Variants in ABI1 observed in about 807,000 individuals in gnomAD.
ABI1 encodes Abelson interactor 1.
Under a neutral mutation model 54.6 loss-of-function variants are expected in ABI1, and 14 were observed. The ratio of observed to expected loss-of-function variants is 0.26; its 90% CI spans 0.17 to 0.40. ABI1 has a LOEUF of 0.40. ABI1 is among the 10% of genes least tolerant of loss of function. The pLI is 1.00. For synonymous variants in ABI1, 194 were observed against 209.3 expected (o/e 0.93, Z 0.63); for missense variants, 443 against 598.3 (o/e 0.74, Z 2.71).
chr10:26,860,722 C>T lies in ABI1; in HGVS notation c.117+25G>A. The T allele has an allele frequency of 6.3e-7, 1 of 1,595,596 alleles. No homozygotes were observed. The highest frequency in any genetic ancestry group is 8.6e-7 in the Non-Finnish European group (1 of 1,163,846). ...CGGCGGGTCCTCGACCCGGCCAGCG[C>T]CCGCCGGCCGCCAGAGCGCCTCACC... is the stretch of plus-strand genomic sequence containing the variant. On this transcript the variant is annotated intron_variant, in intron 1 of 10. Transcript: ENST00000376140. The surrounding 1 kb of genome is among the most constrained non-coding windows in gnomAD (Gnocchi z 4.1).
rs532301622 is a variant in ABI1 at position 26,800,443 on chromosome 10, G to A, written c.285+22695C>T. On this transcript the variant is annotated intron_variant, in intron 2 of 10. Transcript: ENST00000376140. ...AAGGAAGCATTACACATACCCATACGGAGACACATTCTACAAAACAACTGG... is the reference window on the plus strand; with the variant it reads ...AAGGAAGCATTACACATACCCATACAGAGACACATTCTACAAAACAACTGG... 1.4e-4 allele frequency among the ~76,000 whole-genome samples: 22 copies of A among 152,076 alleles called. No individual in the cohort carries two copies. In the South Asian group the frequency reaches 2.9e-3, roughly 20 times the overall value.
intron 2 of ABI1, among the ~76,000 whole-genome samples, chr10:26,820,044 G>C (rs1310453093): frequency 6.6e-6 from 1 of 152,162 alleles, no homozygotes; most frequent in African/African-American, 2.4e-5. Context: ...AAGGGAAATG[G>C]GGAGCTGTTG....
chr10:26,778,581 T>A (rs1047059593), intron 2 of ABI1, among the ~76,000 whole-genome samples: 1 of 152,002 alleles, frequency 6.6e-6, no homozygotes, highest in Non-Finnish European at 1.5e-5. Flanking sequence ...TCTATCTTAT[T>A]TCATCAGAAC....
chr10:26,848,200 C>CAAAAAAAA (rs149066426), intron 1 of ABI1, among the ~76,000 whole-genome samples: 5 of 78,664 alleles, frequency 6.4e-5, no homozygotes, highest in South Asian at 5.0e-4. Context: ...GACCCTGTCT[C>CAAAAAAAA]AAAAAAAAAA....
At chr10:26,838,561 G>A (rs2049262226) in intron 1 of ABI1, among the ~76,000 whole-genome samples, 1 of 152,170 alleles carries the variant, frequency 6.6e-6, no homozygotes, top group African/African-American at 2.4e-5. Context: ...AGGGAATGTG[G>A]ATTTCATTGT....
At chr10:26,799,708 T>G (rs2046418953) in intron 2 of ABI1, among the ~76,000 whole-genome samples, 1 of 152,246 alleles carries the variant, frequency 6.6e-6, no homozygotes, top group Non-Finnish European at 1.5e-5. Flanking sequence ...AATATACTTA[T>G]TTATGCGTTA....
chr10:26,837,174 C>T (rs752870553), intron 1 of ABI1, among the ~76,000 whole-genome samples: 13 of 152,174 alleles, frequency 8.5e-5, no homozygotes, highest in Admixed American at 3.3e-4. Flanking sequence ...TGCATGGCTT[C>T]AACAAGAGAA....
rs1248840790 is a variant in ABI1 at position 26,768,946 on chromosome 10, C to T, written c.625G>A (p.Val209Ile). The T allele has an allele frequency of 3.1e-6, 5 of 1,613,112 alleles. No individual in the cohort carries two copies. The highest frequency in any genetic ancestry group is 1.7e-5 in the Admixed American group (1 of 59,956). ...GGACTGGTCATATAGTCATTAGGAA[C>T]TGTTGGGGGTTTAACAGGTTCCAGG... ...KTLEPVKPPT[V>I]PNDYMTSPAR... is the part of the protein sequence containing the mutation. The change falls in exon 6 of 11, where the codon GTT becomes ATT. Residue 209 changes from valine (V) to isoleucine (I), a missense_variant. By Grantham distance (29) the Val-to-Ile change is conservative. Transcript: ENST00000376140.
At chr10:26,836,039 C>T (rs1357488198) in intron 1 of ABI1, among the ~76,000 whole-genome samples, 1 of 152,016 alleles carries the variant, frequency 6.6e-6, no homozygotes, top group Non-Finnish European at 1.5e-5. Context: ...AAGCATGAGC[C>T]ACTGTGCCCA....
chr10:26,788,328 C>T (rs1032904444), intron 2 of ABI1, among the ~76,000 whole-genome samples: 7 of 152,242 alleles, frequency 4.6e-5, no homozygotes, highest in South Asian at 4.1e-4. Flanking sequence ...AATGTGAAAA[C>T]GGACTAACAC....
chr10:26,818,018 G>C (rs930929380), intron 2 of ABI1, among the ~76,000 whole-genome samples: 3 of 151,350 alleles, frequency 2.0e-5, no homozygotes, highest in Non-Finnish European at 2.9e-5. Flanking sequence ...AAATAGCTGA[G>C]CATGGTGGCG....
chr10:26,765,165 A>G (rs1839769236), intron 7 of ABI1, 53 bp downstream of exon 7: 3 of 1,274,684 alleles, frequency 2.4e-6, no homozygotes, highest in Non-Finnish European at 2.2e-6. Flanking sequence ...GCCTTCCACA[A>G]TAAAGCTCAT....
Position 26,755,692 on chromosome 10 carries a change from T to C in ABI1, c.1047A>G (p.Ile349Met), listed in dbSNP as rs763286434. ...PPPMPQLTPQ[I>M]PLTGFVARVQ... is the part of the protein sequence containing the mutation. ...CCCTGGCCACGAAGCCTGTGAGAGG[T>C]ATCTGTGGAGTCAACTGAGGCATAG... is the stretch of plus-strand genomic sequence containing the variant. Residue 349 changes from isoleucine (I) to methionine (M), a missense_variant, in exon 9 of 11, where the codon ATA becomes ATG. Transcript: ENST00000376140. The C allele has an allele frequency of 1.2e-6, 2 of 1,613,464 alleles. No homozygotes were observed. The highest frequency in any genetic ancestry group is 2.2e-5 in the South Asian group (2 of 91,034).
intron 1 of ABI1, among the ~76,000 whole-genome samples, chr10:26,852,405 G>A (rs1220960237): frequency 2.0e-5 from 3 of 152,136 alleles, no homozygotes; most frequent in Non-Finnish European, 4.4e-5. Flanking sequence ...ATTGAACCCA[G>A]GAGGCAGAAG....
At chr10:26,839,053 A>C (rs756829610) in intron 1 of ABI1, among the ~76,000 whole-genome samples, 1 of 152,268 alleles carries the variant, frequency 6.6e-6, no homozygotes, top group Non-Finnish European at 1.5e-5. Context: ...AAATGTTCTC[A>C]GGATAACTGA....
At chr10:26,820,009 T>C (rs1249392790) in intron 2 of ABI1, among the ~76,000 whole-genome samples, 1 of 152,102 alleles carries the variant, frequency 6.6e-6, no homozygotes, top group African/African-American at 2.4e-5. Flanking sequence ...GAGAGTAGAA[T>C]GGTAGTTGTC....
rs1404186548 is a variant in ABI1 at position 26,765,230 on chromosome 10, T to C, written c.808A>G (p.Thr270Ala). The C allele has an allele frequency of 6.2e-7, 1 of 1,603,378 alleles. No homozygotes were observed. The highest frequency in any genetic ancestry group is 8.5e-7 in the Non-Finnish European group (1 of 1,175,856). ...ATAAATAACACACCTGGTCCAATAG[T>C]GGGTGGCGAAGGTGTAGGCACAGCA... ...PIAVPTPSPP[T>A]IGPAAPGSAP... is the part of the protein sequence containing the mutation. The change falls in exon 7 of 11, where the codon ACT (threonine) becomes GCT (alanine). Residue 270 changes from threonine to alanine, a missense_variant. By Grantham distance (58) the Thr-to-Ala change is moderately conservative. Coordinates refer to ENST00000376140, the MANE Select transcript of ABI1 (RefSeq NM_001012750.3).
chr10:26,814,441 AATC>A (rs2047429904), intron 2 of ABI1, among the ~76,000 whole-genome samples: 1 of 152,192 alleles, frequency 6.6e-6, no homozygotes, highest in Admixed American at 6.5e-5. Context: ...GGAAAAAAGA[AATC>A]ATAATGGACA....
At chr10:26,756,033 T>C (rs906040894) in intron 8 of ABI1, among the ~76,000 whole-genome samples, 4 of 152,148 alleles carry the variant, frequency 2.6e-5, no homozygotes, top group Non-Finnish European at 4.4e-5. Context: ...GGATTTAAAT[T>C]TACCATCACA....
Sources: gnomAD v4.1 joint callset for allele counts (sites outside exome capture counted in the v4.1 genomes callset) on GRCh38, gnomAD v4.1.1 for gene constraint, Gnocchi (gnomAD v3.1) non-coding constraint, MANE v1.5 for transcripts, NCBI Gene and HGNC (gene_info 2026-07-23, HGNC 2026-07-21) for gene names.